Variants in FAM184B observed in about 807,000 individuals in gnomAD.
The protein encoded by FAM184B is protein FAM184B.
A neutral mutation model predicts 135.9 loss-of-function variants in FAM184B; 111 were observed. That is an observed-to-expected ratio of 0.82 (90% CI 0.70 to 0.96). The LOEUF is 0.96. Among genes scored for constraint, FAM184B ranks in the 40% least tolerant of loss-of-function variants. FAM184B has a pLI of 0.00. For missense variants in FAM184B, 1,375 were observed against 1,323.9 expected (o/e 1.04, Z -0.60); for synonymous variants, 552 against 524.8 (o/e 1.05, Z -0.71).
At chr4:17,650,729 G>A (rs10805357) in intron 11 of FAM184B, among the ~76,000 whole-genome samples, 79,485 of 152,000 alleles carry the variant, frequency 0.52, 23,383 homozygotes, top group East Asian at 0.88. Flanking sequence ...GCTGCTAACT[G>A]GGAAGTCTAC....
chr4:17,654,282 T>C (rs1258503948), intron 10 of FAM184B, among the ~76,000 whole-genome samples: 1 of 151,936 alleles, frequency 6.6e-6, no homozygotes, highest in East Asian at 1.9e-4. Context: ...ATTGGAGAGA[T>C]GAATTTGGTT....
chr4:17,766,939 C>T (rs537724797), intron 1 of FAM184B, among the ~76,000 whole-genome samples: 3 of 152,208 alleles, frequency 2.0e-5, no homozygotes, highest in East Asian at 3.9e-4. Context: ...CAGCAGGTCC[C>T]GAGCCCTGCC....
chr4:17,735,669 C>T (rs1029323696), intron 1 of FAM184B, among the ~76,000 whole-genome samples: 2 of 150,006 alleles, frequency 1.3e-5, no homozygotes. Flanking sequence ...TCTATCCAAC[C>T]GTTCATTTTT....
intron 1 of FAM184B, among the ~76,000 whole-genome samples, chr4:17,711,511 G>A (rs538528816): frequency 8.6e-5 from 13 of 151,596 alleles, no homozygotes; most frequent in Admixed American, 8.6e-4. Flanking sequence ...AACAAAAAAT[G>A]AAAAAGCTGG....
chr4:17,688,646 A>G (rs1716649519), intron 6 of FAM184B, 115 bp from the exon 7 acceptor site: 1 of 543,378 alleles, frequency 1.8e-6, no homozygotes, highest in Non-Finnish European at 3.1e-6. Context: ...AGAGTGCCCC[A>G]TTAGACAAAT....
intron 1 of FAM184B, among the ~76,000 whole-genome samples, chr4:17,753,362 T>A (rs1718343714): frequency 1.3e-5 from 2 of 152,222 alleles, no homozygotes; most frequent in African/African-American, 4.8e-5. Flanking sequence ...AGACCAAATT[T>A]TATTAAAACA....
intron 8 of FAM184B, among the ~76,000 whole-genome samples, chr4:17,661,147 T>C (rs898509233): frequency 1.7e-4 from 26 of 152,192 alleles, no homozygotes; most frequent in African/African-American, 5.8e-4. Context: ...CTTGGCCTGA[T>C]CTTCCTCCTC....
chr4:17,721,398 A>AAAAAAAAAAAAAAAAAAAAAAAAC, intron 1 of FAM184B, among the ~76,000 whole-genome samples: 1 of 149,830 alleles, frequency 6.7e-6, no homozygotes, highest in Non-Finnish European at 1.5e-5. Flanking sequence ...AAAAAAAAAA[A>AAAAAAAAAAAAAAAAAAAAAAAAC]AAAAAAAATC....
intron 1 of FAM184B, among the ~76,000 whole-genome samples, chr4:17,739,560 T>TTTTTTTTTTTTTG (rs1431291927): frequency 1.7e-5 from 2 of 118,036 alleles, no homozygotes; most frequent in East Asian, 2.6e-4. Flanking sequence ...CAACTGTTTT[T>TTTTTTTTTTTTTG]TTTTTTTTTT....
At position 17,652,129 on chromosome 4, in the gene FAM184B, C is replaced by A. The variant is rs200523930; in HGVS notation, c.2191+701G>T. On this transcript the variant is annotated intron_variant, in intron 11 of 17. Coordinates refer to ENST00000265018, the MANE Select transcript of FAM184B (RefSeq NM_015688.2). ...ATGCTAGACACTTTATATTTAATATCTTTTTTTTTTTTTTTTTTTGAGTCT... is the reference window on the plus strand; with the variant it reads ...ATGCTAGACACTTTATATTTAATATATTTTTTTTTTTTTTTTTTTGAGTCT... Among the ~76,000 whole-genome samples the A allele has an allele frequency of 2.7e-4, 22 of 81,434 alleles. No homozygotes were observed. The East Asian group carries it at 6.7e-3, about 25-fold the overall frequency. The allele number at this position is 81,434 out of a possible 152,430, so 53.4% of individuals were successfully genotyped here.
intron 5 of FAM184B, among the ~76,000 whole-genome samples, chr4:17,695,774 C>A (rs1481624369): frequency 6.6e-6 from 1 of 152,090 alleles, no homozygotes; most frequent in Non-Finnish European, 1.5e-5. Flanking sequence ...ATGTGTCAAG[C>A]TTGATACATC....
intron 1 of FAM184B, among the ~76,000 whole-genome samples, chr4:17,751,010 A>G (rs1718278768): frequency 1.3e-5 from 2 of 152,190 alleles, no homozygotes; most frequent in South Asian, 4.1e-4. Flanking sequence ...ACTTACTGAT[A>G]AAAAGCAGCA....
At chr4:17,696,830 GAATAAATAAATA>G (rs60876270) in intron 5 of FAM184B, among the ~76,000 whole-genome samples, 2 of 151,678 alleles carry the variant, frequency 1.3e-5, no homozygotes, top group Admixed American at 6.6e-5. Context: ...ATGAATGAAT[GAATAAATAAATA>G]AATAAATAAA....
intron 3 of FAM184B, among the ~76,000 whole-genome samples, chr4:17,707,105 T>C (rs1158796245): frequency 3.3e-5 from 5 of 152,038 alleles, no homozygotes; most frequent in Non-Finnish European, 7.4e-5. Flanking sequence ...AATTTTTTAA[T>C]TTTTATTTTT....
intron 5 of FAM184B, among the ~76,000 whole-genome samples, chr4:17,695,253 C>T (rs555768123): frequency 3.2e-4 from 48 of 151,932 alleles, no homozygotes; most frequent in Non-Finnish European, 6.3e-4. Flanking sequence ...CCCTTGACCA[C>T]CCGGGCTCAA....
At position 17,658,508 on chromosome 4, in the gene FAM184B, G is replaced by A. The variant is rs966500216; in HGVS notation, c.1879C>T (p.Leu627=). The A allele has an allele frequency of 4.5e-6, 7 of 1,551,508 alleles. No homozygotes were observed. The Admixed American group carries it at 5.9e-5, about 13-fold the overall frequency. The change falls in exon 10 of 18, where the codon CTG becomes TTG. Residue 627 remains leucine, a synonymous_variant. Coordinates refer to ENST00000265018, the MANE Select transcript of FAM184B (RefSeq NM_015688.2). ...TCCGAGAGCTGCTTGAGTGCCTGCAGGTCCTCCCTGTAGTTGCTGGTGCAC... is the reference window on the plus strand; with the variant it reads ...TCCGAGAGCTGCTTGAGTGCCTGCAAGTCCTCCCTGTAGTTGCTGGTGCAC... ...EQCTSNYRED[L]QALKQLSDLE...
chr4:17,654,196 T>C (rs1037378930), intron 10 of FAM184B, among the ~76,000 whole-genome samples: 11 of 151,444 alleles, frequency 7.3e-5, no homozygotes, highest in African/African-American at 2.7e-4. Flanking sequence ...GTTTCTGCTT[T>C]TTTTTTTTTT....
chr4:17,778,007 G>A (rs571972406), intron 1 of FAM184B, among the ~76,000 whole-genome samples: 14 of 151,906 alleles, frequency 9.2e-5, no homozygotes, highest in Middle Eastern at 3.4e-3. Flanking sequence ...GGAGGTCAAG[G>A]TTGTAGTGAG....
At chr4:17,765,619 T>A (rs1257050361) in intron 1 of FAM184B, among the ~76,000 whole-genome samples, 1 of 152,234 alleles carries the variant, frequency 6.6e-6, no homozygotes, top group African/African-American at 2.4e-5. Flanking sequence ...AACATGTGGA[T>A]AAACTTTTCA....
Sources: gnomAD v4.1 joint callset for allele counts (sites outside exome capture counted in the v4.1 genomes callset) on GRCh38, gnomAD v4.1.1 for gene constraint, MANE v1.5 for transcripts, NCBI Gene and HGNC (gene_info 2026-07-23, HGNC 2026-07-21) for gene names.